The following CACNA1S variants were observed in gnomAD, a reference collection of about 807,000 sequenced individuals.
The protein encoded by CACNA1S is voltage-dependent L-type calcium channel subunit alpha-1S.
A neutral mutation model predicts 207.4 loss-of-function variants in CACNA1S; 126 were observed. The observed-to-expected ratio is 0.61, with a 90% confidence interval of 0.53 to 0.70. The LOEUF (loss-of-function observed/expected upper bound fraction) is 0.70. Ranked by LOEUF, CACNA1S falls within the 30% of genes least tolerant of loss-of-function variation. The probability of loss-of-function intolerance (pLI) is 0.00; values close to 1 mark genes in which losing one functional copy is unlikely to be tolerated. For missense variants in CACNA1S, 2,349 were observed against 2,422.8 expected (o/e 0.97, Z 0.64); for synonymous variants, 960 against 932.7 (o/e 1.03, Z -0.53).
chr1:201,089,126 G>T (rs1662131939), intron 6 of CACNA1S, 132 bp downstream of exon 6: 2 of 804,032 alleles, frequency 2.5e-6, no homozygotes, highest in African/African-American at 1.7e-5. Context: ...CCCCAGGGAG[G>T]AGCAAGAGGG....
intron 25 of CACNA1S, among the ~76,000 whole-genome samples, 166 bp downstream of exon 25, chr1:201,061,101 G>A (rs1661030457): frequency 6.6e-6 from 1 of 152,194 alleles, no homozygotes; most frequent in East Asian, 1.9e-4. Context: ...AACTTGTATT[G>A]CTTCAGTTTG....
intron 32 of CACNA1S, 68 bp from the exon 33 acceptor site, chr1:201,051,211 G>T: frequency 1.9e-6 from 3 of 1,551,064 alleles, no homozygotes; most frequent in Non-Finnish European, 1.8e-6. Context: ...CTGGCAGTCA[G>T]GTGGCAGCAG....
At chr1:201,097,855 T>C (rs16847724) in intron 2 of CACNA1S, among the ~76,000 whole-genome samples, 29,089 of 151,998 alleles carry the variant, frequency 0.19, 3,198 homozygotes, top group African/African-American at 0.3. Flanking sequence ...TGACATATGG[T>C]CCCCCGACAC....
At chr1:201,069,758 A>C (rs1661387107) in intron 17 of CACNA1S, among the ~76,000 whole-genome samples, 157 bp from the exon 18 acceptor site, 1 of 152,144 alleles carries the variant, frequency 6.6e-6, no homozygotes, top group African/African-American at 2.4e-5. Context: ...CTCTGGCTGG[A>C]CACACAGGGG....
chr1:201,049,641 T>G (rs941135661), intron 34 of CACNA1S, among the ~76,000 whole-genome samples: 4 of 152,202 alleles, frequency 2.6e-5, no homozygotes, highest in African/African-American at 7.2e-5. Context: ...AAAGTCCTAC[T>G]GGCTTCCTCT....
At chr1:201,111,464 T>C (rs1358045404) in intron 1 of CACNA1S, among the ~76,000 whole-genome samples, 2 of 151,992 alleles carry the variant, frequency 1.3e-5, no homozygotes, top group Non-Finnish European at 2.9e-5. Flanking sequence ...AATGCAAACA[T>C]AGCATGAGTT....
chr1:201,066,441 CT>C lies in CACNA1S; in HGVS notation c.2658-126del. The C allele has an allele frequency of 2.5e-6, 2 of 804,884 alleles. No homozygotes were observed. Among genetic ancestry groups the C allele is most frequent in the East Asian group, 2.5e-5 (1 of 39,424 alleles). The allele number at this position is 804,884 out of a possible 1,614,324, so 49.9% of individuals were successfully genotyped here. On this transcript the variant is annotated intron_variant, in intron 20 of 43. Transcript: ENST00000362061. This position sits in a 1 kb window ranked among gnomAD's most constrained non-coding sequence, Gnocchi z 4.3. ...CCTTTCTGCCTGAAAACACTCCCAC[CT>C]TCCCCTTCCCTTTCCTCCAGCCGTG...
chr1:201,063,727 C>T (rs996787051), intron 22 of CACNA1S, among the ~76,000 whole-genome samples: 4 of 152,210 alleles, frequency 2.6e-5, no homozygotes, highest in Non-Finnish European at 4.4e-5. Context: ...CCTTGCCCCC[C>T]GCTGCCCCTG....
intron 2 of CACNA1S, among the ~76,000 whole-genome samples, chr1:201,098,270 G>A (rs746048289): frequency 2.0e-5 from 3 of 152,156 alleles, no homozygotes; most frequent in South Asian, 2.1e-4. Flanking sequence ...GGGCAGGTGC[G>A]GCTGCACACC....
chr1:201,082,774 C>T (rs12737822), intron 10 of CACNA1S, among the ~76,000 whole-genome samples: 36,447 of 152,136 alleles, frequency 0.24, 5,841 homozygotes, highest in Non-Finnish European at 0.37. Context: ...TGGTGAAAGA[C>T]TGTTGTTTTT....
At chr1:201,089,116 C>T (rs1027297655) in intron 6 of CACNA1S, 142 bp downstream of exon 6, 3 of 766,352 alleles carry the variant, frequency 3.9e-6, no homozygotes, top group East Asian at 2.7e-5. Flanking sequence ...TGTATAGATT[C>T]CCCAGGGAGG....
At position 201,044,410 on chromosome 1, in the gene CACNA1S, C is replaced by A. The variant is rs775493864; in HGVS notation, c.4715G>T (p.Arg1572Leu). 1 of 1,613,534 alleles carries A rather than the reference C, an allele frequency of 6.2e-7. No homozygotes were observed. Among genetic ancestry groups the A allele is most frequent in the Non-Finnish European group, 8.5e-7 (1 of 1,179,878 alleles). ...AGCAGCCAGGTCTCCTGAGACCGTG[C>A]GACAGATCTCGGGGGCTGCCTCTTC... ...IEEEAAPEIC[R>L]TVSGDLAAEE... Residue 1572 changes from arginine to leucine, a missense_variant, in exon 39 of 44, where the codon CGC becomes CTC. Transcript: ENST00000362061.
chr1:201,069,661 T>A (rs1661383709), intron 17 of CACNA1S, 60 bp from the exon 18 acceptor site: 1 of 1,542,436 alleles, frequency 6.5e-7, no homozygotes, highest in Admixed American at 2.0e-5. Context: ...TCAGGCCTCA[T>A]CAGCCTCCAT....
At chr1:201,080,978 G>A (rs1661820447) in intron 10 of CACNA1S, among the ~76,000 whole-genome samples, 1 of 152,184 alleles carries the variant, frequency 6.6e-6, no homozygotes, top group Admixed American at 6.5e-5. Flanking sequence ...ACCTATATAA[G>A]GCACTGATAG....
intron 15 of CACNA1S, among the ~76,000 whole-genome samples, chr1:201,073,236 A>C (rs1661483044): frequency 6.6e-6 from 1 of 152,144 alleles, no homozygotes; most frequent in South Asian, 2.1e-4. Flanking sequence ...GCAATGGTGG[A>C]AGCCGGTCTG....
chr1:201,110,735 A>G (rs757562710), intron 1 of CACNA1S, among the ~76,000 whole-genome samples: 1 of 152,198 alleles, frequency 6.6e-6, no homozygotes, highest in Non-Finnish European at 1.5e-5. Flanking sequence ...AGGACTGGGA[A>G]GGAGAGATGG....
intron 24 of CACNA1S, 49 bp downstream of exon 24, chr1:201,061,895 T>TC (rs1455682911): frequency 6.2e-7 from 1 of 1,610,776 alleles, no homozygotes; most frequent in Admixed American, 1.7e-5. Flanking sequence ...GGCTGCCTGG[T>TC]CCTACCTGAC....
In CACNA1S at chr1:201,043,479, G is replaced by A; in HGVS notation, c.4850C>T (p.Ser1617Phe). 6.2e-7 allele frequency: 1 copy of A among 1,614,060 alleles called. No homozygotes were observed. Among genetic ancestry groups the A allele is most frequent in the Non-Finnish European group, 8.5e-7 (1 of 1,179,998 alleles). ...CTGATTGGCCATGACGGGGGGCAGGGAGTTGGTCCTTTCCAGGAAGTTGTC... is the reference window on the plus strand; with the variant it reads ...CTGATTGGCCATGACGGGGGGCAGGAAGTTGGTCCTTTCCAGGAAGTTGTC... ...QVDNFLERTNSLPPVMANQRP... is the reference protein window; with the variant it reads ...QVDNFLERTNFLPPVMANQRP... Residue 1617 changes from serine (S) to phenylalanine (F), a missense_variant, in exon 40 of 44, where the codon TCC becomes TTC. Physicochemically the swap from Ser to Phe is radical, Grantham distance 155. Coordinates refer to ENST00000362061, the MANE Select transcript of CACNA1S (RefSeq NM_000069.3).
chr1:201,086,172 C>T (rs565185570), intron 7 of CACNA1S, among the ~76,000 whole-genome samples: 114 of 152,300 alleles, frequency 7.5e-4, no homozygotes, highest in African/African-American at 2.5e-3. Context: ...TGAGGAGCTG[C>T]GCCTGGCAGC....
Sources: gnomAD v4.1 joint callset for allele counts (sites outside exome capture counted in the v4.1 genomes callset) on GRCh38, gnomAD v4.1.1 for gene constraint, Gnocchi (gnomAD v3.1) non-coding constraint, MANE v1.5 for transcripts, NCBI Gene and HGNC (gene_info 2026-07-23, HGNC 2026-07-21) for gene names.